Variants in DOCK9 observed in about 807,000 individuals in gnomAD.
The protein encoded by DOCK9 is dedicator of cytokinesis 9.
DOCK9 carries 89 observed loss-of-function variants against 263.3 expected under a neutral mutation model. That is an observed-to-expected ratio of 0.34 (90% CI 0.28 to 0.40). DOCK9 has a LOEUF of 0.40. Ranked by LOEUF, DOCK9 falls within the 10% of genes least tolerant of loss-of-function variation. The pLI, the probability that DOCK9 is intolerant of heterozygous loss-of-function variation, is 1.00. For synonymous variants in DOCK9, 976 were observed against 973.1 expected, an observed-to-expected ratio of 1.00 and a Z score of -0.06; for missense variants, 2,140 against 2,603.4, an observed-to-expected ratio of 0.82 and a Z score of 3.87.
chr13:98,976,046 G>T (rs1189172115), intron 1 of DOCK9, among the ~76,000 whole-genome samples: 1 of 152,184 alleles, frequency 6.6e-6, no homozygotes, highest in Non-Finnish European at 1.5e-5. Context: ...AAATATCCTT[G>T]CTTCCCTGAT....
chr13:98,940,311 G>A lies in DOCK9; in HGVS notation c.244-10054C>T, dbSNP rs75406873. Among the ~76,000 whole-genome samples the A allele has an allele frequency of 1.8e-3, 267 of 152,332 alleles. 1 individual carries two copies. The highest frequency in any genetic ancestry group is 6.2e-3 in the African/African-American group (259 of 41,576). The stretch of plus-strand genomic sequence containing the variant: ...GAGCAAAGCATAGGACAGAGAGGCT[G>A]AAGAAGGAATTCCATTTAGGTTTCT... On this transcript the variant is annotated intron_variant, in intron 2 of 52. Coordinates refer to ENST00000682017, the MANE Select transcript of DOCK9 (RefSeq NM_001366683.2).
intron 35 of DOCK9, among the ~76,000 whole-genome samples, chr13:98,851,873 C>A (rs2093582804): frequency 6.6e-6 from 1 of 152,008 alleles, no homozygotes; most frequent in African/African-American, 2.4e-5. Context: ...GAGAAGATTT[C>A]TTAAATGGGA....
At chr13:98,885,137 GTATGAAAAC>G in intron 20 of DOCK9, 45 bp from the exon 21 acceptor site, 1 of 1,596,812 alleles carries the variant, frequency 6.3e-7, no homozygotes, top group Non-Finnish European at 8.5e-7. Flanking sequence ...CACTGTGAGT[GTATGAAAAC>G]TTATGAAAGC....
At chr13:99,087,113 G>A (rs2042366168), upstream of DOCK9, among the ~76,000 whole-genome samples, 1 of 152,096 alleles carries the variant, frequency 6.6e-6, no homozygotes, top group Non-Finnish European at 1.5e-5. Flanking sequence ...TATTTATGTG[G>A]CACCGATCGG....
chr13:98,827,500 T>C lies in DOCK9; in HGVS notation c.4966-613A>G, dbSNP rs745456993. 3.2e-4 allele frequency among the ~76,000 whole-genome samples: 48 copies of C among 152,266 alleles called. 1 individual carries two copies. Among genetic ancestry groups the C allele is most frequent in the Non-Finnish European group, 4.7e-4 (32 of 68,048 alleles). On this transcript the variant is annotated intron_variant, in intron 43 of 52. Transcript: ENST00000682017. ...AAGCGAACCCCCTGCAAGGTTCTAA[T>C]GCATGCGGTTCTGTGCCTGTCAGCG...
chr13:99,069,953 A>G (rs1342308669), intron 1 of DOCK9, among the ~76,000 whole-genome samples: 1 of 152,244 alleles, frequency 6.6e-6, no homozygotes, highest in Non-Finnish European at 1.5e-5. Flanking sequence ...CCTCATCAAG[A>G]AACAGAAATA....
chr13:99,052,870 A>AC (rs2040764934), intron 1 of DOCK9, among the ~76,000 whole-genome samples: 1 of 149,302 alleles, frequency 6.7e-6, no homozygotes, highest in Admixed American at 6.7e-5. Flanking sequence ...TGAGTTTTTT[A>AC]TATGTTTTGG....
At chr13:98,808,803 A>C in intron 47 of DOCK9, 4 of 704,760 alleles carry the variant, frequency 5.7e-6, no homozygotes, top group Non-Finnish European at 9.4e-6. Flanking sequence ...TCGAAGGTTA[A>C]AATTTAAGTT....
At chr13:98,827,708 G>A (rs1224115088) in intron 43 of DOCK9, among the ~76,000 whole-genome samples, 1 of 152,206 alleles carries the variant, frequency 6.6e-6, no homozygotes, top group African/African-American at 2.4e-5. Flanking sequence ...CCAGTCCTCG[G>A]AGGCAGAGTT....
rs370435579 is a variant in DOCK9 at position 98,837,521 on chromosome 13, C to T, written c.4287G>A (p.Thr1429=). ...TAAACGCCAATGTAAATAGAGAAAG[C>T]GTGTCCAGAGCTGTCAGGCAAACCT... ...ATEVCLTALD[T]LSLFTLAFKN... The change falls in exon 39 of 53, where the codon ACG becomes ACA. Residue 1429 remains threonine (T), a synonymous_variant. Coordinates refer to ENST00000682017, the MANE Select transcript of DOCK9 (RefSeq NM_001366683.2). The T allele has an allele frequency of 9.3e-6, 15 of 1,612,972 alleles. No individual in the cohort carries two copies. In the South Asian group the frequency reaches 9.9e-5, roughly 11 times the overall value.
At chr13:98,966,085 G>A (rs1197392981) in intron 1 of DOCK9, among the ~76,000 whole-genome samples, 6 of 152,320 alleles carry the variant, frequency 3.9e-5, no homozygotes, top group East Asian at 1.9e-4. Flanking sequence ...ACAACTCCTC[G>A]CCTGCCGTCG....
intron 1 of DOCK9, among the ~76,000 whole-genome samples, chr13:99,015,177 T>C (rs1595910965): frequency 1.3e-5 from 2 of 152,372 alleles, no homozygotes; most frequent in South Asian, 4.1e-4. Context: ...ACCAAGAACA[T>C]GTAAGCTGAT....
intron 45 of DOCK9, among the ~76,000 whole-genome samples, chr13:98,817,234 G>T (rs539885406): frequency 9.2e-5 from 14 of 152,204 alleles, no homozygotes; most frequent in African/African-American, 3.1e-4. Flanking sequence ...TAAGATTGGG[G>T]TTTTTTGTTT....
chr13:99,020,358 T>C (rs892959544), intron 1 of DOCK9, among the ~76,000 whole-genome samples: 1 of 152,194 alleles, frequency 6.6e-6, no homozygotes, highest in Non-Finnish European at 1.5e-5. Flanking sequence ...CACATTAACA[T>C]GGGAGGTGGC....
intron 1 of DOCK9, among the ~76,000 whole-genome samples, chr13:99,055,994 T>C (rs1391458329): frequency 2.6e-5 from 4 of 152,162 alleles, no homozygotes; most frequent in African/African-American, 9.7e-5. Flanking sequence ...GGACGTGGAA[T>C]GGTAACAACA....
At chr13:98,798,430 C>T (rs1475902174) in intron 50 of DOCK9, among the ~76,000 whole-genome samples, 1 of 152,188 alleles carries the variant, frequency 6.6e-6, no homozygotes, top group East Asian at 1.9e-4. Flanking sequence ...AGAGGGGGAC[C>T]TCTGAGCCGG....
At chr13:98,991,147 C>A (rs1252921663) in intron 1 of DOCK9, among the ~76,000 whole-genome samples, 2 of 151,836 alleles carry the variant, frequency 1.3e-5, no homozygotes, top group Non-Finnish European at 2.9e-5. Context: ...TTTTGGCTCA[C>A]CACAACCTCC....
intron 1 of DOCK9, among the ~76,000 whole-genome samples, chr13:99,022,504 G>C (rs534251328): frequency 6.6e-6 from 1 of 152,314 alleles, no homozygotes; most frequent in African/African-American, 2.4e-5. Context: ...GAGTGACCAA[G>C]TGAAAGGAAG....
intron 9 of DOCK9, among the ~76,000 whole-genome samples, chr13:98,909,508 T>C (rs1464865721): frequency 6.6e-6 from 1 of 152,130 alleles, no homozygotes; most frequent in Non-Finnish European, 1.5e-5. Context: ...ACAGATTGGG[T>C]TGGAATAGGA....
Sources: gnomAD v4.1 joint callset for allele counts (sites outside exome capture counted in the v4.1 genomes callset) on GRCh38, gnomAD v4.1.1 for gene constraint, MANE v1.5 for transcripts, NCBI Gene and HGNC (gene_info 2026-07-23, HGNC 2026-07-21) for gene names.